Variants in CSNK1A1 observed in about 807,000 individuals in gnomAD.
CSNK1A1 encodes the protein casein kinase 1 alpha 1.
CSNK1A1 carries 7 observed loss-of-function variants against 46.1 expected under a neutral mutation model. That is an observed-to-expected ratio of 0.15 (90% CI 0.09 to 0.29). The LOEUF is 0.29. Among genes scored for constraint, CSNK1A1 ranks in the 10% least tolerant of loss-of-function variants. The pLI is 1.00. For missense variants in CSNK1A1, 96 were observed against 417.1 expected (o/e 0.23, Z 6.71); for synonymous variants, 137 against 141.5 (o/e 0.97, Z 0.23).
At chr5:149,505,222 C>G in intron 9 of CSNK1A1, 1 of 1,192,844 alleles carries the variant, frequency 8.4e-7, no homozygotes, top group East Asian at 3.7e-5. Context: ...TATAAATATA[C>G]ACACATATAT....
chr5:149,543,084 T>G (rs761596997), intron 2 of CSNK1A1, among the ~76,000 whole-genome samples: 12 of 152,146 alleles, frequency 7.9e-5, no homozygotes, highest in Non-Finnish European at 1.2e-4. Context: ...AGCATCTAAT[T>G]AAATACAAAT....
chr5:149,550,255 T>C lies in CSNK1A1; in HGVS notation c.124-74A>G. 6.5e-7 allele frequency: 1 copy of C among 1,550,290 alleles called. No individual in the cohort carries two copies. Among genetic ancestry groups the C allele is most frequent in the Non-Finnish European group, 8.7e-7 (1 of 1,148,580 alleles). Reference sequence around the variant, plus strand: ...TGTCACTTAGGAAAGGAGGGAGACATTAGCAAAACTCCAAGTCGCGACTAC... The same window carrying C: ...TGTCACTTAGGAAAGGAGGGAGACACTAGCAAAACTCCAAGTCGCGACTAC... On this transcript the variant is annotated intron_variant, in intron 1 of 9. Transcript: ENST00000377843. The surrounding 1 kb of genome is among the most constrained non-coding windows in gnomAD (Gnocchi z 4.3).
At chr5:149,521,849 C>T (rs1761580921) in intron 3 of CSNK1A1, among the ~76,000 whole-genome samples, 1 of 152,014 alleles carries the variant, frequency 6.6e-6, no homozygotes, top group South Asian at 2.1e-4. Context: ...CTAAAATGAT[C>T]CACCTGCCTC....
intron 3 of CSNK1A1, among the ~76,000 whole-genome samples, chr5:149,524,276 T>C (rs1761665615): frequency 6.6e-6 from 1 of 152,162 alleles, no homozygotes; most frequent in Non-Finnish European, 1.5e-5. Flanking sequence ...CATAGTATTT[T>C]TATAAGCACA....
chr5:149,542,640 GTATATATATATATATATATATATA>G lies in CSNK1A1; in HGVS notation c.230+7411_230+7434del, dbSNP rs1311690619. ...TATATATATATATATATATATATAT[GTATATATATATATATATATATATA>G]TATATATGTATATATATATATATAT... On this transcript the variant is annotated intron_variant, in intron 2 of 9. Transcript: ENST00000377843. Among the ~76,000 whole-genome samples, 7 of 13,054 alleles carry G rather than the reference GTATATATATATATATATATATATA, an allele frequency of 5.4e-4. 1 individual carries two copies. Among genetic ancestry groups the G allele is most frequent in the African/African-American group, 1.8e-3 (5 of 2,842 alleles). 8.6% of individuals were successfully genotyped at this position (13,054 alleles called of 152,430 possible).
chr5:149,544,528 G>C (rs968102519), intron 2 of CSNK1A1, among the ~76,000 whole-genome samples: 2 of 151,128 alleles, frequency 1.3e-5, no homozygotes, highest in African/African-American at 4.9e-5. Flanking sequence ...TTTTTAAATT[G>C]TTCCTTTGGA....
rs1041564118 is a variant in CSNK1A1, at chr5:149,545,780, T to C, written c.230+4295A>G. 3.1e-5 allele frequency: 19 copies of C among 610,430 alleles called. No individual in the cohort carries two copies. The African/African-American group carries it at 3.5e-4, about 11-fold the overall frequency. The allele number at this position is 610,430 out of a possible 1,614,324, so 37.8% of individuals were successfully genotyped here. On this transcript the variant is annotated intron_variant, in intron 2 of 9. Transcript: ENST00000377843. ...TTTTCAGGACTGGTTGTGTGTGGTG[T>C]GGTTCGTGGACTTGGCCATGTCTGT...
At chr5:149,536,255 A>C (rs1385895380) in intron 2 of CSNK1A1, among the ~76,000 whole-genome samples, 3 of 152,106 alleles carry the variant, frequency 2.0e-5, no homozygotes, top group Non-Finnish European at 4.4e-5. Flanking sequence ...GCCCAGCCTC[A>C]AATGGTTTTC....
Position 149,507,506 on chromosome 5 carries a change from G to A in CSNK1A1, c.751-373C>T, listed in dbSNP as rs1232251166. On this transcript the variant is annotated intron_variant, in intron 7 of 9. Transcript: ENST00000377843. ...GACAGGGTCTCAATCTGTCTCCCAG[G>A]CTGGAGTGCAGTAGTGTAATCTCAG... Among the ~76,000 whole-genome samples, 4 of 151,500 alleles carry A rather than the reference G, an allele frequency of 2.6e-5. No individual in the cohort carries two copies. The East Asian group carries it at 7.7e-4, about 29-fold the overall frequency.
At position 149,542,636 on chromosome 5, in the gene CSNK1A1, ATATGT is replaced by A. The variant is rs1762308276; in HGVS notation, c.230+7434_230+7438del. On this transcript the variant is annotated intron_variant, in intron 2 of 9. Transcript: ENST00000377843. ...TATATATATATATATATATATATAT[ATATGT>A]ATATATATATATATATATATATATA... is the stretch of plus-strand genomic sequence containing the variant. Among the ~76,000 whole-genome samples the A allele has an allele frequency of 2.0e-4, 2 of 9,798 alleles. 1 individual carries two copies. Among genetic ancestry groups the A allele is most frequent in the Non-Finnish European group, 3.0e-4 (2 of 6,564 alleles). 6.4% of individuals were successfully genotyped at this position (9,798 alleles called of 152,430 possible). A position where few individuals can be genotyped will look rare whatever the true frequency, so the allele number is the denominator to read the frequency against.
At chr5:149,501,584 G>A (rs1760857464) in intron 9 of CSNK1A1, 8 of 985,122 alleles carry the variant, frequency 8.1e-6, no homozygotes, top group African/African-American at 1.7e-5. Flanking sequence ...AATACTTTGA[G>A]AGCTGTCTAT....
At chr5:149,542,624 A>ATACACATGTATGTG (rs1762296420) in intron 2 of CSNK1A1, among the ~76,000 whole-genome samples, 1 of 13,718 alleles carries the variant, frequency 7.3e-5, no homozygotes, top group African/African-American at 5.4e-4. Context: ...ATATATATAT[A>ATACACATGTATGTG]TATATATATA....
At chr5:149,498,074 C>T in intron 9 of CSNK1A1, 5 of 955,002 alleles carry the variant, frequency 5.2e-6, no homozygotes, top group South Asian at 4.9e-5. Flanking sequence ...CCTCGTGATC[C>T]ACCCGCCATG....
chr5:149,537,569 TGTG>T (rs1762097495), intron 2 of CSNK1A1, among the ~76,000 whole-genome samples: 2 of 151,816 alleles, frequency 1.3e-5, no homozygotes, highest in Admixed American at 1.3e-4. Context: ...AGAAATTCCT[TGTG>T]GTAATTACAT....
intron 2 of CSNK1A1, among the ~76,000 whole-genome samples, chr5:149,542,638 A>ATATATATATGTG (rs1762309881): frequency 7.8e-5 from 1 of 12,900 alleles, no homozygotes; most frequent in African/African-American, 4.9e-4. Flanking sequence ...ATATATATAT[A>ATATATATATGTG]TGTATATATA....
At position 149,493,361 on chromosome 5, in the gene CSNK1A1, CTTTTTTTTTT is replaced by C. The variant is rs66724848; in HGVS notation, c.*3482_*3491del. The C allele has an allele frequency of 2.5e-5, 3 of 117,806 alleles. No homozygotes were observed. Among genetic ancestry groups the C allele is most frequent in the African/African-American group, 9.6e-5 (3 of 31,262 alleles). The allele number at this position is 117,806 out of a possible 1,614,324, so 7.3% of individuals were successfully genotyped here. On this transcript the variant is annotated 3_prime_UTR_variant, in exon 10 of 10. Coordinates refer to ENST00000377843, the MANE Select transcript of CSNK1A1 (RefSeq NM_001892.6). ...GTGTGCCACTGCTCCTAGCCAACCACTTTTTTTTTTTTTTTTTTTTTTAGATTTCCTTTGT... is the reference window on the plus strand; with the variant it reads ...GTGTGCCACTGCTCCTAGCCAACCACTTTTTTTTTTTTAGATTTCCTTTGT...
chr5:149,543,383 A>C (rs1267506360), intron 2 of CSNK1A1, among the ~76,000 whole-genome samples: 1 of 152,176 alleles, frequency 6.6e-6, no homozygotes. Context: ...GCATTATTAC[A>C]TTATCTCATA....
Position 149,525,256 on chromosome 5 carries a change from C to G in CSNK1A1, c.231-85G>C. On this transcript the variant is annotated intron_variant, in intron 2 of 9. Coordinates refer to ENST00000377843, the MANE Select transcript of CSNK1A1 (RefSeq NM_001892.6). The surrounding 1 kb of genome is among the most constrained non-coding windows in gnomAD (Gnocchi z 4.2). The stretch of plus-strand genomic sequence containing the variant: ...CCCTAAGAATAATATAGTTTTCTTT[C>G]ACTGACTAGGTATTATATAAGGCGA... The G allele has an allele frequency of 7.7e-7, 1 of 1,294,514 alleles. No homozygotes were observed. The highest frequency in any genetic ancestry group is 1.0e-6 in the Non-Finnish European group (1 of 971,922). 80.2% of individuals were successfully genotyped at this position (1,294,514 alleles called of 1,614,324 possible).
intron 2 of CSNK1A1, among the ~76,000 whole-genome samples, chr5:149,543,939 A>G (rs1177102882): frequency 6.6e-6 from 1 of 152,140 alleles, no homozygotes; most frequent in Non-Finnish European, 1.5e-5. Flanking sequence ...AAAATAGGAA[A>G]AACAAGAAAG....
Sources: gnomAD v4.1 joint callset for allele counts (sites outside exome capture counted in the v4.1 genomes callset) on GRCh38, gnomAD v4.1.1 for gene constraint, Gnocchi (gnomAD v3.1) non-coding constraint, MANE v1.5 for transcripts, NCBI Gene and HGNC (gene_info 2026-07-23, HGNC 2026-07-21) for gene names.